CCDC7: variants seen among roughly 807,000 people sequenced by gnomAD.
CCDC7 encodes the protein coiled-coil domain containing 7.
A neutral mutation model predicts 196.9 loss-of-function variants in CCDC7; 183 were observed. That is an observed-to-expected ratio of 0.93 (90% CI 0.82 to 1.05). CCDC7 has a LOEUF of 1.05. Ranked by LOEUF, CCDC7 falls within the 50% of genes least tolerant of loss-of-function variation. CCDC7 has a pLI of 0.00. For missense variants in CCDC7, 1,540 were observed against 1,482.2 expected (o/e 1.04, Z -0.64); for synonymous variants, 525 against 484.6 (o/e 1.08, Z -1.10).
At chr10:32,495,156 C>T (rs960824299) in intron 9 of CCDC7, among the ~76,000 whole-genome samples, 1 of 152,174 alleles carries the variant, frequency 6.6e-6, no homozygotes, top group Non-Finnish European at 1.5e-5. Context: ...TGATGATGAG[C>T]ATATTTTTAT....
At chr10:32,879,672 C>T (rs374615501), downstream of CCDC7, among the ~76,000 whole-genome samples, 29 of 152,086 alleles carry the variant, frequency 1.9e-4, no homozygotes, top group East Asian at 4.7e-3. Flanking sequence ...TATTAAGCCT[C>T]GCATGCATTA....
intron 24 of CCDC7, among the ~76,000 whole-genome samples, chr10:32,699,518 G>A (rs1262485232): frequency 1.3e-5 from 2 of 148,768 alleles, no homozygotes; most frequent in African/African-American, 5.2e-5. Flanking sequence ...AAACATACGT[G>A]TGCATGTGTC....
chr10:32,495,475 T>A (rs1266990223), intron 9 of CCDC7, among the ~76,000 whole-genome samples: 2 of 152,224 alleles, frequency 1.3e-5, no homozygotes, highest in Non-Finnish European at 2.9e-5. Flanking sequence ...CATGCCTATG[T>A]CCTGAATGGC....
intron 9 of CCDC7, chr10:32,514,572 T>A (rs978328503): frequency 6.6e-6 from 1 of 152,200 alleles, no homozygotes; most frequent in East Asian, 1.9e-4. Flanking sequence ...AAATAAATTC[T>A]TGTTGTTTTA....
At chr10:32,452,301 C>G (rs933730181) in intron 1 of CCDC7, among the ~76,000 whole-genome samples, 4 of 152,142 alleles carry the variant, frequency 2.6e-5, no homozygotes, top group Non-Finnish European at 4.4e-5. Flanking sequence ...CAATGTTATA[C>G]AAACAGTTTA....
intron 9 of CCDC7, among the ~76,000 whole-genome samples, chr10:32,498,834 C>G (rs1206750848): frequency 7.0e-6 from 1 of 142,604 alleles, no homozygotes; most frequent in Admixed American, 7.0e-5. Context: ...TTTTTCATTT[C>G]TACCTTGGTG....
intron 22 of CCDC7, 29 bp from the exon 44 acceptor site, chr10:32,882,664 A>G (rs921275853): frequency 3.3e-5 from 5 of 152,238 alleles, no homozygotes; most frequent in Admixed American, 2.6e-4. Context: ...AAATAAAAAA[A>G]TTATAATTAC....
At chr10:32,659,915 G>T (rs543758666) in intron 20 of CCDC7, among the ~76,000 whole-genome samples, 1 of 152,120 alleles carries the variant, frequency 6.6e-6, no homozygotes. Flanking sequence ...AGACAGTATG[G>T]TGATTCATCA....
At chr10:32,870,180 T>C (rs2094374998) in intron 41 of CCDC7, among the ~76,000 whole-genome samples, 2 of 152,188 alleles carry the variant, frequency 1.3e-5, no homozygotes, top group East Asian at 3.9e-4. Context: ...GTAAATTACC[T>C]TGGGCAGTAT....
chr10:32,766,635 C>A (rs920993150), intron 28 of CCDC7, among the ~76,000 whole-genome samples: 4 of 151,936 alleles, frequency 2.6e-5, no homozygotes, highest in African/African-American at 9.7e-5. Context: ...AACACTTAAC[C>A]ATGGACCACC....
intron 28 of CCDC7, among the ~76,000 whole-genome samples, chr10:32,774,739 ATT>A (rs1269530350): frequency 2.6e-5 from 4 of 151,928 alleles, no homozygotes; most frequent in Admixed American, 2.6e-4. Context: ...TTTTAGGTTT[ATT>A]TGTGATTGTT....
intron 18 of CCDC7, among the ~76,000 whole-genome samples, chr10:32,633,141 C>A (rs1281839620): frequency 1.3e-5 from 2 of 152,118 alleles, no homozygotes; most frequent in Non-Finnish European, 2.9e-5. Context: ...CTGGTCTCCT[C>A]AATTTGCACG....
intron 18 of CCDC7, among the ~76,000 whole-genome samples, chr10:32,625,259 T>C (rs1227062863): frequency 1.3e-5 from 2 of 151,758 alleles, no homozygotes; most frequent in Admixed American, 1.3e-4. Context: ...ATTTAAGGAA[T>C]TATGTTTTCT....
intron 18 of CCDC7, among the ~76,000 whole-genome samples, chr10:32,615,083 A>G (rs1444380206): frequency 1.3e-5 from 2 of 152,140 alleles, no homozygotes; most frequent in Non-Finnish European, 2.9e-5. Context: ...TCCTCTGTTG[A>G]TGGACACAGG....
At chr10:32,769,476 A>T (rs2078834201) in intron 28 of CCDC7, among the ~76,000 whole-genome samples, 1 of 150,576 alleles carries the variant, frequency 6.6e-6, no homozygotes, top group Non-Finnish European at 1.5e-5. Flanking sequence ...TTGTATTATT[A>T]TTATTATTTC....
At chr10:32,655,092 C>A (rs532315508) in intron 20 of CCDC7, among the ~76,000 whole-genome samples, 1 of 152,114 alleles carries the variant, frequency 6.6e-6, no homozygotes, top group Non-Finnish European at 1.5e-5. Context: ...GCAGATACAT[C>A]ATCAAATAGT....
chr10:32,586,158 C>T (rs899794597), intron 18 of CCDC7, among the ~76,000 whole-genome samples: 64 of 152,076 alleles, frequency 4.2e-4, no homozygotes, highest in African/African-American at 1.4e-3. Context: ...GTTTGTTGGC[C>T]GCATAAATGT....
intron 41 of CCDC7, among the ~76,000 whole-genome samples, chr10:32,873,787 T>A (rs1055165420): frequency 6.6e-6 from 1 of 151,996 alleles, no homozygotes; most frequent in Admixed American, 6.6e-5. Context: ...TATGTTTAAT[T>A]TTTAGGAAGC....
intron 21 of CCDC7, among the ~76,000 whole-genome samples, chr10:32,670,645 G>C (rs2073878299): frequency 6.7e-6 from 1 of 148,848 alleles, no homozygotes; most frequent in East Asian, 2.0e-4. Flanking sequence ...TGCGGTGTCT[G>C]GTTTTTTGTT....
Sources: gnomAD v4.1 joint callset for allele counts (sites outside exome capture counted in the v4.1 genomes callset) on GRCh38, gnomAD v4.1.1 for gene constraint, MANE v1.5 for transcripts, NCBI Gene and HGNC (gene_info 2026-07-23, HGNC 2026-07-21) for gene names.